The following ALK variants were observed in gnomAD, a reference collection of about 807,000 sequenced individuals.
ALK encodes ALK tyrosine kinase receptor.
A neutral mutation model predicts 163.1 loss-of-function variants in ALK; 74 were observed. That is an observed-to-expected ratio of 0.45 (90% CI 0.38 to 0.55). ALK has a LOEUF of 0.55. Among genes scored for constraint, ALK ranks in the 20% least tolerant of loss-of-function variants. The pLI is 0.00. For synonymous variants in ALK, 960 were observed against 843.2 expected (o/e 1.14, Z -2.40); for missense variants, 2,063 against 2,105.3 (o/e 0.98, Z 0.39).
At chr2:29,714,023 T>C (rs1205083962) in intron 2 of ALK, among the ~76,000 whole-genome samples, 1 of 152,120 alleles carries the variant, frequency 6.6e-6, no homozygotes, top group Admixed American at 6.5e-5. Flanking sequence ...CAAAACTGCC[T>C]TTCAAAACCC....
chr2:29,262,776 T>G (rs1001328386), intron 11 of ALK, among the ~76,000 whole-genome samples: 1 of 152,370 alleles, frequency 6.6e-6, no homozygotes, highest in East Asian at 1.9e-4. Flanking sequence ...AGATAAAAGC[T>G]GCTTTCAGGG....
At chr2:29,409,217 T>C (rs1038125246) in intron 4 of ALK, among the ~76,000 whole-genome samples, 3 of 152,214 alleles carry the variant, frequency 2.0e-5, no homozygotes, top group Non-Finnish European at 2.9e-5. Flanking sequence ...CCTCAATATA[T>C]GCTTCACTAT....
At chr2:29,338,936 T>C (rs1321210637) in intron 5 of ALK, among the ~76,000 whole-genome samples, 1 of 152,114 alleles carries the variant, frequency 6.6e-6, no homozygotes. Context: ...AGCACTGGGG[T>C]GACAGTGGTG....
chr2:29,499,700 C>T (rs1173519713), intron 4 of ALK, among the ~76,000 whole-genome samples: 1 of 152,078 alleles, frequency 6.6e-6, no homozygotes. Flanking sequence ...CTCATTTCTC[C>T]CCGGGTGGAC....
rs747661585 is a variant in ALK at position 29,220,783 on chromosome 2, G to T, written c.3568C>A (p.Leu1190Met). The T allele has an allele frequency of 1.2e-6, 2 of 1,614,140 alleles. No individual in the cohort carries two copies. Among genetic ancestry groups the T allele is most frequent in the Non-Finnish European group, 1.7e-6 (2 of 1,179,986 alleles). Residue 1190 changes from leucine to methionine, a missense_variant, in exon 23 of 29, where the codon CTG becomes ATG. By Grantham distance (15) the Leu-to-Met change is conservative (BLOSUM62 2). Coordinates refer to ENST00000389048, the MANE Select transcript of ALK (RefSeq NM_004304.5). ...VRCIGVSLQS[L>M]PRFILLELMA... is the part of the protein sequence containing the mutation. ...AGCTCCAGCAGGATGAACCGGGGCA[G>T]GGATTGCAGGCTCACCCCAATGCAG...
At chr2:29,247,734 C>T (rs1055743110) in intron 12 of ALK, among the ~76,000 whole-genome samples, 1 of 152,134 alleles carries the variant, frequency 6.6e-6, no homozygotes, top group Non-Finnish European at 1.5e-5. Flanking sequence ...GCATTCGCTC[C>T]CTTCCCTTCA....
chr2:29,511,468 G>A (rs1573416062), intron 4 of ALK, among the ~76,000 whole-genome samples: 1 of 152,054 alleles, frequency 6.6e-6, no homozygotes, highest in African/African-American at 2.4e-5. Context: ...ATATATATCA[G>A]TATTTTATTT....
chr2:29,772,583 A>G (rs1339206489), intron 1 of ALK, among the ~76,000 whole-genome samples: 2 of 152,180 alleles, frequency 1.3e-5, no homozygotes, highest in African/African-American at 2.4e-5. Context: ...TAAAATGGCA[A>G]ATCAAGAAAC....
At position 29,223,401 on chromosome 2, in the gene ALK, G is replaced by A. The variant is rs752819935; in HGVS notation, c.3300C>T (p.Gly1100=). 31 of 1,614,066 alleles carry A rather than the reference G, an allele frequency of 1.9e-5. No individual in the cohort carries two copies. Among genetic ancestry groups the A allele is most frequent in the Non-Finnish European group, 2.5e-5 (30 of 1,180,034 alleles). ...TDYNPNYCFA[G]KTSSISDLKE... is the part of the protein sequence containing the mutation. Reference sequence around the variant, plus strand: ...TCAGGTCACTGATGGAGGAGGTCTTGCCAGCAAAGCAGTAGTTGGGGTTGT... The same window carrying A: ...TCAGGTCACTGATGGAGGAGGTCTTACCAGCAAAGCAGTAGTTGGGGTTGT... The change falls in exon 20 of 29, where the codon GGC becomes GGT. Residue 1100 remains glycine (G), a synonymous_variant. Transcript: ENST00000389048.
At chr2:29,869,425 C>A (rs1666520798) in intron 1 of ALK, among the ~76,000 whole-genome samples, 1 of 152,076 alleles carries the variant, frequency 6.6e-6, no homozygotes, top group Admixed American at 6.6e-5. Context: ...CTCAATATTA[C>A]CCCTAACAGA....
At chr2:29,521,722 T>C (rs1672817281) in intron 4 of ALK, among the ~76,000 whole-genome samples, 1 of 152,248 alleles carries the variant, frequency 6.6e-6, no homozygotes, top group South Asian at 2.1e-4. Flanking sequence ...TGGTGTTTCC[T>C]CACTCTTGGG....
At chr2:29,622,912 G>C (rs1012236093) in intron 3 of ALK, among the ~76,000 whole-genome samples, 5 of 152,148 alleles carry the variant, frequency 3.3e-5, no homozygotes, top group African/African-American at 1.2e-4. Context: ...GATTAGAATT[G>C]TTCATTTGGT....
At chr2:29,593,669 T>C (rs1450890544) in intron 3 of ALK, among the ~76,000 whole-genome samples, 2 of 152,226 alleles carry the variant, frequency 1.3e-5, no homozygotes, top group African/African-American at 4.8e-5. Flanking sequence ...GAAAGAAAGA[T>C]GTCACTCTGC....
chr2:29,865,971 T>C (rs1163971878), intron 1 of ALK, among the ~76,000 whole-genome samples: 1 of 152,148 alleles, frequency 6.6e-6, no homozygotes, highest in Non-Finnish European at 1.5e-5. Flanking sequence ...ATAGGGGCAG[T>C]ATGTTATCTT....
At chr2:29,302,497 G>A (rs984139782) in intron 8 of ALK, among the ~76,000 whole-genome samples, 1 of 152,136 alleles carries the variant, frequency 6.6e-6, no homozygotes, top group Non-Finnish European at 1.5e-5. Context: ...CAGCCTGGGG[G>A]ACAAGAGCAA....
At chr2:29,332,650 C>T (rs1480280013) in intron 5 of ALK, among the ~76,000 whole-genome samples, 1 of 152,148 alleles carries the variant, frequency 6.6e-6, no homozygotes, top group Non-Finnish European at 1.5e-5. Context: ...TACATATAGG[C>T]CTTAAAATAA....
At chr2:29,533,454 C>T (rs1002969669) in intron 3 of ALK, among the ~76,000 whole-genome samples, 1 of 152,160 alleles carries the variant, frequency 6.6e-6, no homozygotes, top group Non-Finnish European at 1.5e-5. Context: ...AAAGTTAAGA[C>T]CATACTCCAG....
At chr2:29,222,963 T>G (rs1057107782) in intron 20 of ALK, among the ~76,000 whole-genome samples, 2 of 152,074 alleles carry the variant, frequency 1.3e-5, no homozygotes, top group Non-Finnish European at 2.9e-5. Flanking sequence ...CAGATCACTG[T>G]GGGTACTGGC....
chr2:29,213,837 C>T, intron 24 of ALK, 147 bp downstream of exon 24: 1 of 725,434 alleles, frequency 1.4e-6, no homozygotes. Flanking sequence ...AACAATAAAA[C>T]AAAGCTGAAT....
Sources: gnomAD v4.1 joint callset for allele counts (sites outside exome capture counted in the v4.1 genomes callset) on GRCh38, gnomAD v4.1.1 for gene constraint, MANE v1.5 for transcripts, NCBI Gene and HGNC (gene_info 2026-07-23, HGNC 2026-07-21) for gene names.